TMEM14B: variants seen among roughly 807,000 people sequenced by gnomAD.
TMEM14B encodes the protein transmembrane protein 14B.
In TMEM14B, 9 loss-of-function variants were observed where a neutral mutation model predicts 14.8. The observed-to-expected ratio is 0.61, with a 90% CI of 0.37 to 1.06. The LOEUF is 1.06. Among genes scored for constraint, TMEM14B ranks in the 50% least tolerant of loss-of-function variants. The probability of loss-of-function intolerance (pLI) is 0.01; values close to 1 mark genes in which losing one functional copy is unlikely to be tolerated. For synonymous variants in TMEM14B, 40 were observed against 51.3 expected (o/e 0.78, Z 0.94); for missense variants, 128 against 143.6 (o/e 0.89, Z 0.56).
At chr6:10,758,474 C>T (rs1465125085), downstream of TMEM14B, among the ~76,000 whole-genome samples, 1 of 152,194 alleles carries the variant, frequency 6.6e-6, no homozygotes, top group Non-Finnish European at 1.5e-5. Flanking sequence ...TTGCCAAGTG[C>T]CCTCATCCCT....
chr6:10,749,968 C>G, intron 3 of TMEM14B: 1 of 505,412 alleles, frequency 2.0e-6, no homozygotes, highest in East Asian at 3.6e-5. Context: ...TTATCATTGA[C>G]TGCCATTCAT....
intron 4 of TMEM14B, among the ~76,000 whole-genome samples, chr6:10,753,423 T>C (rs1771669932): frequency 6.6e-6 from 1 of 152,040 alleles, no homozygotes. Context: ...CTCAGCACGG[T>C]TGACCAATCA....
chr6:10,755,437 T>C (rs1771767369), intron 5 of TMEM14B: 1 of 1,465,226 alleles, frequency 6.8e-7, no homozygotes, highest in South Asian at 1.4e-5. Context: ...ACTGTGGAGA[T>C]GGCTTTGTTC....
At chr6:10,753,773 C>G (rs530012089) in intron 4 of TMEM14B, among the ~76,000 whole-genome samples, 2 of 151,584 alleles carry the variant, frequency 1.3e-5, no homozygotes, top group Non-Finnish European at 1.5e-5. Flanking sequence ...CCCTTTCTGA[C>G]TAATTCATCA....
At chr6:10,757,589 G>C (rs543435072), downstream of TMEM14B, among the ~76,000 whole-genome samples, 1 of 152,222 alleles carries the variant, frequency 6.6e-6, no homozygotes, top group Non-Finnish European at 1.5e-5. Flanking sequence ...GCTCTACATT[G>C]GACACATTTA....
chr6:10,749,157 G>T, intron 1 of TMEM14B, 45 bp from the exon 2 acceptor site: 1 of 1,332,530 alleles, frequency 7.5e-7, no homozygotes. Flanking sequence ...TGACTGCTGG[G>T]GAGCTGTGCT....
At chr6:10,755,612 G>A in intron 5 of TMEM14B, 1 of 1,230,972 alleles carries the variant, frequency 8.1e-7, no homozygotes, top group Non-Finnish European at 1.0e-6. Context: ...ATTGAATCCT[G>A]TTTTCTAATT....
intron 4 of TMEM14B, among the ~76,000 whole-genome samples, chr6:10,753,971 C>G (rs574604168): frequency 6.6e-6 from 1 of 152,126 alleles, no homozygotes; most frequent in Admixed American, 6.5e-5. Flanking sequence ...GCTAGAATTA[C>G]GCTTTCAAAA....
chr6:10,758,635 G>A (rs914400974), downstream of TMEM14B, among the ~76,000 whole-genome samples: 4 of 151,496 alleles, frequency 2.6e-5, no homozygotes, highest in Non-Finnish European at 5.9e-5. Context: ...AGTGTATGAT[G>A]GAGGTAGATC....
chr6:10,758,909 CTTTTTTTTTTTTTT>C (rs34333457), downstream of TMEM14B: 17 of 103,456 alleles, frequency 1.6e-4, no homozygotes, highest in African/African-American at 6.2e-4. Context: ...AGATCTAATT[CTTTTTTTTTTTTTT>C]TTTTTTTTTT....
At chr6:10,748,655 A>G (rs1771427553) in intron 1 of TMEM14B, among the ~76,000 whole-genome samples, 1 of 152,194 alleles carries the variant, frequency 6.6e-6, no homozygotes, top group East Asian at 1.9e-4. Context: ...CTGTTTTTCC[A>G]AGGGTGCAAT....
intron 5 of TMEM14B, 110 bp from the exon 6 acceptor site, chr6:10,756,357 A>G (rs1353466364): frequency 6.9e-6 from 9 of 1,296,286 alleles, no homozygotes; most frequent in Non-Finnish European, 9.5e-6. Context: ...TTGCCTTAGT[A>G]CCTCCTCCCC....
chr6:10,749,177 TG>T, intron 1 of TMEM14B, 24 bp from the exon 2 acceptor site: 1 of 1,546,742 alleles, frequency 6.5e-7, no homozygotes, highest in Non-Finnish European at 8.9e-7. Context: ...TTTTAACCAC[TG>T]CTGATCCGGC....
chr6:10,748,639 TAGG>T (rs1771426877), intron 1 of TMEM14B, among the ~76,000 whole-genome samples: 1 of 152,122 alleles, frequency 6.6e-6, no homozygotes, highest in South Asian at 2.1e-4. Context: ...TGTAAGAAAA[TAGG>T]AGCTGTTTTT....
intron 5 of TMEM14B, among the ~76,000 whole-genome samples, chr6:10,756,201 G>A (rs1304574453): frequency 6.6e-6 from 1 of 152,126 alleles, no homozygotes; most frequent in Admixed American, 6.6e-5. Context: ...GCTTTCTCTT[G>A]CCTCCATTTC....
chr6:10,753,959 T>C (rs1222531305), intron 4 of TMEM14B, among the ~76,000 whole-genome samples: 1 of 152,162 alleles, frequency 6.6e-6, no homozygotes, highest in Non-Finnish European at 1.5e-5. Flanking sequence ...CTCTATAGTA[T>C]AGCTAGAATT....
downstream of TMEM14B, among the ~76,000 whole-genome samples, chr6:10,757,625 A>G (rs1227469959): frequency 6.6e-6 from 1 of 152,154 alleles, no homozygotes; most frequent in Non-Finnish European, 1.5e-5. Flanking sequence ...TTTTTAGTTC[A>G]CTTTATTCAT....
chr6:10,749,915 G>T, intron 3 of TMEM14B: 1 of 614,152 alleles, frequency 1.6e-6, no homozygotes, highest in Non-Finnish European at 2.9e-6. Flanking sequence ...ACTTATTTTT[G>T]CCTCTTTATC....
chr6:10,749,791 CT>C (rs1771478212), intron 3 of TMEM14B, 93 bp downstream of exon 3: 1 of 1,484,594 alleles, frequency 6.7e-7, no homozygotes, highest in African/African-American at 1.4e-5. Flanking sequence ...TCTCGTTTGA[CT>C]CAGCTTTGCT....
Sources: gnomAD v4.1 joint callset for allele counts (sites outside exome capture counted in the v4.1 genomes callset) on GRCh38, gnomAD v4.1.1 for gene constraint, MANE v1.5 for transcripts, NCBI Gene and HGNC (gene_info 2026-07-23, HGNC 2026-07-21) for gene names.